The following FUT8 variants were observed in gnomAD, a reference collection of about 807,000 sequenced individuals.
FUT8 encodes the protein fucosyltransferase 8.
A neutral mutation model predicts 71.3 loss-of-function variants in FUT8; 29 were observed. The observed-to-expected ratio is 0.41, with a 90% confidence interval of 0.30 to 0.55. The LOEUF (loss-of-function observed/expected upper bound fraction) is 0.55, where lower values mean the gene tolerates loss of function less well. Among genes scored for constraint, FUT8 ranks in the 20% least tolerant of loss-of-function variants. The pLI is 0.34. For synonymous variants in FUT8, 254 were observed against 239.3 expected (o/e 1.06, Z -0.57); for missense variants, 544 against 702.1 (o/e 0.77, Z 2.55).
intron 3 of FUT8, among the ~76,000 whole-genome samples, chr14:65,580,070 T>TTACA (rs1886995836): frequency 7.0e-6 from 1 of 142,832 alleles, no homozygotes. Flanking sequence ...GTGCTATATT[T>TTACA]TATATATATA....
chr14:65,439,954 G>GTGTACGTATATATATATATATATATA lies in FUT8; in HGVS notation c.-325-15666_-325-15665insGTACGTATATATATATATATATATAT. On this transcript the variant is annotated intron_variant, in intron 1 of 10. Coordinates refer to ENST00000673929, the MANE Select transcript of FUT8 (RefSeq NM_001371533.1). ...ATAAAGAAAATGTGTGTGTGTGTGTGTATATATATATATATATATATATAT... is the reference window on the plus strand; with the variant it reads ...ATAAAGAAAATGTGTGTGTGTGTGTGTGTACGTATATATATATATATATATATATATATATATATATATATATATAT... Among the ~76,000 whole-genome samples, 70 of 74,964 alleles carry GTGTACGTATATATATATATATATATA rather than the reference G, an allele frequency of 9.3e-4. 10 individuals are homozygous for GTGTACGTATATATATATATATATATA. Among genetic ancestry groups the GTGTACGTATATATATATATATATATA allele is most frequent in the Non-Finnish European group, 1.2e-3 (50 of 40,284 alleles). The allele number at this position is 74,964 out of a possible 152,430, so 49.2% of individuals were successfully genotyped here.
chr14:65,672,291 A>C (rs1892510731), intron 7 of FUT8, among the ~76,000 whole-genome samples: 1 of 152,168 alleles, frequency 6.6e-6, no homozygotes. Context: ...AAGGTTGTTG[A>C]TGAAATGATC....
At chr14:65,659,006 G>A (rs1346163699) in intron 6 of FUT8, among the ~76,000 whole-genome samples, 1 of 152,038 alleles carries the variant, frequency 6.6e-6, no homozygotes, top group Non-Finnish European at 1.5e-5. Context: ...AAGGTACGCT[G>A]TAAGTATAGT....
At chr14:65,361,807 CAAATAAATAAAT>C in the FUT8 span, among the ~76,000 whole-genome samples, 4 of 135,652 alleles carry the variant, frequency 2.9e-5, no homozygotes, top group African/African-American at 8.0e-5. Flanking sequence ...AACAAACAAA[CAAATAAATAAAT>C]AAATAAATAA....
At chr14:65,538,505 G>A (rs893232795) in intron 2 of FUT8, among the ~76,000 whole-genome samples, 2 of 152,138 alleles carry the variant, frequency 1.3e-5, no homozygotes, top group Non-Finnish European at 2.9e-5. Flanking sequence ...GCATCTGGTC[G>A]ACCATCTATG....
chr14:65,677,155 C>CGCGCGT (rs1892784645), intron 7 of FUT8, among the ~76,000 whole-genome samples: 1 of 30,054 alleles, frequency 3.3e-5, no homozygotes, highest in Non-Finnish European at 8.0e-5. Context: ...TGTGTGTGCG[C>CGCGCGT]GCGCGCATGC....
At chr14:65,526,679 A>G (rs1415251435) in intron 2 of FUT8, among the ~76,000 whole-genome samples, 1 of 152,118 alleles carries the variant, frequency 6.6e-6, no homozygotes, top group African/African-American at 2.4e-5. Flanking sequence ...ACAATTTGGC[A>G]TGTTTTTGCA....
intron 5 of FUT8, among the ~76,000 whole-genome samples, chr14:65,628,243 A>G (rs574551466): frequency 6.6e-6 from 1 of 152,282 alleles, no homozygotes; most frequent in African/African-American, 2.4e-5. Flanking sequence ...ATCAAGAAGG[A>G]TGGTAGTGGG....
chr14:65,709,354 G>A (rs1266477105), intron 7 of FUT8, among the ~76,000 whole-genome samples: 2 of 152,120 alleles, frequency 1.3e-5, no homozygotes, highest in East Asian at 1.9e-4. Flanking sequence ...TACTAGAGAT[G>A]ATTTTAGGTG....
chr14:65,721,892 G>A lies in FUT8; in HGVS notation c.953G>A (p.Arg318Gln), dbSNP rs542752061. The A allele has an allele frequency of 9.1e-5, 147 of 1,614,130 alleles. 1 individual carries two copies. The South Asian group carries it at 1.4e-3, about 15-fold the overall frequency. Residue 318 changes from arginine to glutamine, a missense_variant, in exon 8 of 11, where the codon CGA becomes CAA. Arg to Gln is a conservative substitution (Grantham distance 43). Transcript: ENST00000673929. ...VPEDLADRLV[R>Q]VHGDPAVWWV... ...GAAGACCTCGCAGATCGACTTGTAC[G>A]AGTGCATGGTGACCCTGCAGTGTGG...
chr14:65,570,906 A>G (rs1886434762), intron 3 of FUT8, among the ~76,000 whole-genome samples: 1 of 152,068 alleles, frequency 6.6e-6, no homozygotes, highest in African/African-American at 2.4e-5. Context: ...CAGCAGCCAT[A>G]TTTCAACCAT....
chr14:65,581,290 TTTAAA>T (rs1481267481), intron 3 of FUT8, among the ~76,000 whole-genome samples: 1 of 152,114 alleles, frequency 6.6e-6, no homozygotes, highest in Non-Finnish European at 1.5e-5. Context: ...CATTTTGATA[TTTAAA>T]TTACCGACAG....
chr14:65,735,657 A>G (rs1896183863), intron 10 of FUT8, among the ~76,000 whole-genome samples: 1 of 152,158 alleles, frequency 6.6e-6, no homozygotes, highest in Non-Finnish European at 1.5e-5. Flanking sequence ...GAAATACCTT[A>G]CATTTATATA....
intron 7 of FUT8, among the ~76,000 whole-genome samples, chr14:65,687,325 A>C (rs1319000808): frequency 1.3e-5 from 2 of 152,180 alleles, no homozygotes; most frequent in Admixed American, 1.3e-4. Flanking sequence ...ATTTTTAATT[A>C]ACATAGAACT....
intron 1 of FUT8, among the ~76,000 whole-genome samples, chr14:65,431,473 C>G (rs1487833968): frequency 6.6e-6 from 1 of 151,270 alleles, no homozygotes; most frequent in Non-Finnish European, 1.5e-5. Context: ...CCATACCCGG[C>G]TTTTTTTTGG....
intron 2 of FUT8, among the ~76,000 whole-genome samples, chr14:65,523,083 A>G (rs1883194389): frequency 6.6e-6 from 1 of 152,230 alleles, no homozygotes; most frequent in Admixed American, 6.5e-5. Flanking sequence ...CTTTGGGTAT[A>G]TACCCAGTAA....
intron 3 of FUT8, among the ~76,000 whole-genome samples, chr14:65,599,279 GA>G (rs1888171494): frequency 2.0e-5 from 3 of 152,068 alleles, no homozygotes; most frequent in Admixed American, 1.3e-4. Flanking sequence ...TGAAAAGAAA[GA>G]GGAGAAAACT....
chr14:65,474,982 C>T (rs1387929567), intron 2 of FUT8, among the ~76,000 whole-genome samples: 1 of 152,164 alleles, frequency 6.6e-6, no homozygotes, highest in Non-Finnish European at 1.5e-5. Context: ...AGCCACCGCA[C>T]CTGGCTGGAA....
At position 65,449,669 on chromosome 14, in the gene FUT8, A is replaced by G. The variant is rs74056773; in HGVS notation, c.-325-5952A>G. Among the ~76,000 whole-genome samples the G allele has an allele frequency of 9.9e-3, 1,504 of 152,310 alleles. 19 individuals are homozygous for G. The highest frequency in any genetic ancestry group is 0.031 in the African/African-American group (1,283 of 41,560). ...ATCTTAGCCATGAGCAGCATACCCC[A>G]TACTATATTTAGGTTGATAAATTTT... is the stretch of plus-strand genomic sequence containing the variant. On this transcript the variant is annotated intron_variant, in intron 1 of 10. Coordinates refer to ENST00000673929, the MANE Select transcript of FUT8 (RefSeq NM_001371533.1).
Sources: allele counts gnomAD v4.1 joint callset (sites outside exome capture counted in the v4.1 genomes callset), GRCh38; gene constraint gnomAD v4.1.1; transcripts MANE v1.5; gene names NCBI Gene and HGNC (gene_info 2026-07-23, HGNC 2026-07-21).